Variants in RBFOX1 observed in about 807,000 individuals in gnomAD.
RBFOX1 encodes the protein RNA binding fox-1 homolog 1, also known as RNA binding protein fox-1 homolog 1.
RBFOX1 carries 8 observed loss-of-function variants against 57.7 expected under a neutral mutation model. That is an observed-to-expected ratio of 0.14 (90% confidence interval 0.08 to 0.25). The LOEUF (loss-of-function observed/expected upper bound fraction) is 0.25. Among genes scored for constraint, RBFOX1 ranks in the 10% least tolerant of loss-of-function variants. The probability of loss-of-function intolerance (pLI) is 1.00; values close to 1 mark genes in which losing one functional copy is unlikely to be tolerated. For synonymous variants in RBFOX1, 326 were observed against 222.4 expected (o/e 1.47, Z -4.15); for missense variants, 611 against 548.5 (o/e 1.11, Z -1.14).
intron 3 of RBFOX1, among the ~76,000 whole-genome samples, chr16:5,694,150 C>G (rs1425864270): frequency 6.6e-6 from 1 of 152,174 alleles, no homozygotes; most frequent in African/African-American, 2.4e-5. Flanking sequence ...TTGTGCTAAA[C>G]CAAAATGTGT....
intron 1 of RBFOX1, among the ~76,000 whole-genome samples, chr16:5,244,172 C>G (rs1283074686): frequency 6.6e-6 from 1 of 152,308 alleles, no homozygotes; most frequent in African/African-American, 2.4e-5. Context: ...GCTGAGATCA[C>G]AGGTGTGAGC....
chr16:6,438,296 T>A (rs981981545), intron 2 of RBFOX1, among the ~76,000 whole-genome samples: 1 of 152,102 alleles, frequency 6.6e-6, no homozygotes, highest in East Asian at 1.9e-4. Context: ...CTGTGAAAGG[T>A]GTACTGTTGT....
chr16:6,319,374 T>C (rs574072608), intron 2 of RBFOX1, among the ~76,000 whole-genome samples: 1 of 152,280 alleles, frequency 6.6e-6, no homozygotes, highest in South Asian at 2.1e-4. Context: ...CAATAGTATA[T>C]TACCCCTCAT....
intron 1 of RBFOX1, among the ~76,000 whole-genome samples, chr16:5,261,783 C>G (rs1596330110): frequency 6.6e-6 from 1 of 152,124 alleles, no homozygotes; most frequent in African/African-American, 2.4e-5. Flanking sequence ...ATCTCCTGAC[C>G]TCGTGATCCG....
intron 4 of RBFOX1, among the ~76,000 whole-genome samples, chr16:7,057,029 GAAA>G (rs36083057): frequency 4.5e-4 from 61 of 136,604 alleles, no homozygotes; most frequent in African/African-American, 1.4e-3. Flanking sequence ...TTAAAGCACT[GAAA>G]AAAAAAAAAA....
rs1567303176 is a variant in RBFOX1 at position 6,450,802 on chromosome 16, T to TACAC, written c.-64+133746_-64+133747insCACA. ...ATATATATATATACATATATATATG[T>TACAC]ATATATATATATATACATATATATA... On this transcript the variant is annotated intron_variant, in intron 2 of 15. Transcript: ENST00000550418. Among the ~76,000 whole-genome samples the TACAC allele has an allele frequency of 9.8e-4, 10 of 10,218 alleles. 2 individuals are homozygous for TACAC. In the South Asian group the frequency reaches 0.013, roughly 13 times the overall value. 6.7% of individuals were successfully genotyped at this position (10,218 alleles called of 152,430 possible). A position where few individuals can be genotyped will look rare whatever the true frequency, so the allele number is the denominator to read the frequency against.
intron 3 of RBFOX1, among the ~76,000 whole-genome samples, chr16:6,870,380 C>A (rs115222017): frequency 6.6e-6 from 1 of 152,278 alleles, no homozygotes; most frequent in East Asian, 1.9e-4. Flanking sequence ...TTTCACATAT[C>A]TCATTTGCAT....
intron 5 of RBFOX1, among the ~76,000 whole-genome samples, chr16:7,562,096 G>A (rs2090515485): frequency 6.6e-6 from 1 of 152,196 alleles, no homozygotes; most frequent in African/African-American, 2.4e-5. Flanking sequence ...TGCTAAGCTA[G>A]AGAACAATGC....
chr16:5,383,574 T>A (rs2066183189), intron 1 of RBFOX1, among the ~76,000 whole-genome samples: 1 of 152,238 alleles, frequency 6.6e-6, no homozygotes, highest in Non-Finnish European at 1.5e-5. Flanking sequence ...TTTCTCTGTT[T>A]GTGAAATGGG....
At chr16:5,837,485 C>G (rs1395779194) in intron 3 of RBFOX1, among the ~76,000 whole-genome samples, 1 of 152,210 alleles carries the variant, frequency 6.6e-6, no homozygotes, top group East Asian at 1.9e-4. Flanking sequence ...CTCAGCCACC[C>G]TCTGCCCTCC....
chr16:6,812,103 C>T (rs930268350), intron 3 of RBFOX1, among the ~76,000 whole-genome samples: 5 of 152,034 alleles, frequency 3.3e-5, no homozygotes, highest in African/African-American at 9.7e-5. Flanking sequence ...GATGAAGAAG[C>T]CTTCACGAGA....
At chr16:5,773,929 T>G (rs1354005658) in intron 3 of RBFOX1, among the ~76,000 whole-genome samples, 1 of 152,146 alleles carries the variant, frequency 6.6e-6, no homozygotes, top group Non-Finnish European at 1.5e-5. Flanking sequence ...ACTGACCTCA[T>G]GATCTGCCTG....
intron 1 of RBFOX1, among the ~76,000 whole-genome samples, chr16:6,272,846 T>G (rs1391505637): frequency 6.6e-6 from 1 of 152,150 alleles, no homozygotes. Context: ...AAGATAACCT[T>G]TCAACATATG....
intron 2 of RBFOX1, among the ~76,000 whole-genome samples, chr16:6,475,397 C>G (rs999717600): frequency 3.3e-5 from 5 of 152,168 alleles, no homozygotes; most frequent in African/African-American, 1.2e-4. Flanking sequence ...TAAAGGAAGT[C>G]TGCTACGCTT....
rs186819593 is a variant in RBFOX1 at position 5,852,892 on chromosome 16, C to G, written c.319-14411C>G. Among the ~76,000 whole-genome samples, 301 of 152,226 alleles carry G rather than the reference C, an allele frequency of 2.0e-3. 2 individuals are homozygous for G. The highest frequency in any genetic ancestry group is 7.0e-3 in the African/African-American group (292 of 41,540). On this transcript the variant is annotated intron_variant, in intron 3 of 19. Coordinates refer to the RBFOX1 transcript ENST00000641259. ...ATCACCTTTCCCCTGCCAGCAGACT[C>G]TTACCCATCCTGCAAGACATTGCAC...
chr16:7,487,014 C>G (rs917863661), intron 4 of RBFOX1, among the ~76,000 whole-genome samples: 1 of 152,174 alleles, frequency 6.6e-6, no homozygotes, highest in African/African-American at 2.4e-5. Flanking sequence ...GTTCTCCTGT[C>G]TCAGCCTCCC....
Position 6,944,318 on chromosome 16 carries a change from C to G in RBFOX1, c.-15-107739C>G, listed in dbSNP as rs904510790. 4.0e-5 allele frequency among the ~76,000 whole-genome samples: 6 copies of G among 151,090 alleles called. No individual in the cohort carries two copies. In the East Asian group the frequency reaches 9.8e-4, roughly 25 times the overall value. On this transcript the variant is annotated intron_variant, in intron 3 of 15. Transcript: ENST00000550418. ...GCTGAGGCAGGAGAATCGCTTGAAC[C>G]GAAGAGGCGGAGGTTGCAGTGTGCC...
intron 2 of RBFOX1, among the ~76,000 whole-genome samples, chr16:6,647,712 G>A (rs574856396): frequency 7.6e-4 from 116 of 152,194 alleles, no homozygotes; most frequent in Middle Eastern, 3.4e-3. Context: ...ATTCTGATTC[G>A]ATGTATCTGG....
chr16:7,469,928 A>G (rs1341485407), intron 4 of RBFOX1, among the ~76,000 whole-genome samples: 1 of 151,712 alleles, frequency 6.6e-6, no homozygotes, highest in African/African-American at 2.4e-5. Flanking sequence ...GGAATCATAC[A>G]TTATTTGTCT....
Sources: gnomAD v4.1 joint callset for allele counts (sites outside exome capture counted in the v4.1 genomes callset) on GRCh38, gnomAD v4.1.1 for gene constraint, MANE v1.5 for transcripts, NCBI Gene and HGNC (gene_info 2026-07-23, HGNC 2026-07-21) for gene names.